SLC4A7: variants seen among roughly 807,000 people sequenced by gnomAD.
The protein encoded by SLC4A7 is solute carrier family 4 member 7, also known as sodium bicarbonate cotransporter 3.
SLC4A7 carries 51 observed loss-of-function variants against 137.6 expected under a neutral mutation model. The observed-to-expected ratio is 0.37, with a 90% CI of 0.30 to 0.47. The LOEUF (loss-of-function observed/expected upper bound fraction) is 0.47. Among genes scored for constraint, SLC4A7 ranks in the 20% least tolerant of loss-of-function variants. SLC4A7 has a pLI of 1.00. For synonymous variants in SLC4A7, 542 were observed against 518.6 expected, an observed-to-expected ratio of 1.05 and a Z score of -0.61; for missense variants, 1,247 against 1,525.4, an observed-to-expected ratio of 0.82 and a Z score of 3.04.
Position 27,421,095 on chromosome 3 carries a change from G to A in SLC4A7, c.1425-308C>T, listed in dbSNP as rs191961569. 7.3e-5 allele frequency among the ~76,000 whole-genome samples: 11 copies of A among 151,710 alleles called. No individual in the cohort carries two copies. The East Asian group carries it at 2.0e-3, about 27-fold the overall frequency. On this transcript the variant is annotated intron_variant, in intron 9 of 25. Transcript: ENST00000454389. The stretch of plus-strand genomic sequence containing the variant: ...CAGCAGTGAGCCACTGTGCCCAGCC[G>A]ATATTTATTTTATTGTACTTTTTAG...
At position 27,398,186 on chromosome 3, in the gene SLC4A7, A is replaced by C. The variant is rs1358969592; in HGVS notation, c.2589+6T>G. The C allele has an allele frequency of 2.5e-6, 4 of 1,597,046 alleles. No homozygotes were observed. The highest frequency in any genetic ancestry group is 3.4e-6 in the Non-Finnish European group (4 of 1,170,714). ...TACCAGAATTCCAAAATTATATCAC[A>C]GTTACCTTGGTAGGAAAGTAACGCT... On this transcript the variant is annotated splice_donor_region_variant and intron_variant, in intron 17 of 25. Transcript: ENST00000454389.
chr3:27,404,750 G>A (rs1053215560), intron 14 of SLC4A7, 80 bp downstream of exon 14: 2 of 1,204,324 alleles, frequency 1.7e-6, no homozygotes, highest in Non-Finnish European at 2.3e-6. Context: ...TTACTTTTAA[G>A]CAATTAAATA....
intron 1 of SLC4A7, among the ~76,000 whole-genome samples, chr3:27,478,959 C>T (rs1271489144): frequency 2.0e-5 from 3 of 151,078 alleles, no homozygotes; most frequent in African/African-American, 4.9e-5. Flanking sequence ...GAGTCGAGAT[C>T]GCACCACTGC....
intron 20 of SLC4A7, among the ~76,000 whole-genome samples, chr3:27,392,959 T>C (rs1196539840): frequency 1.3e-5 from 2 of 152,026 alleles, no homozygotes; most frequent in African/African-American, 4.8e-5. Flanking sequence ...ACCAATATAA[T>C]GATATGAAAA....
At chr3:27,467,235 A>ACAG (rs1297967018) in intron 1 of SLC4A7, among the ~76,000 whole-genome samples, 1 of 152,192 alleles carries the variant, frequency 6.6e-6, no homozygotes, top group South Asian at 2.1e-4. Context: ...TTATGGTAAC[A>ACAG]CAGCTGATCA....
At chr3:27,424,713 T>G (rs985109837) in intron 7 of SLC4A7, among the ~76,000 whole-genome samples, 2 of 152,234 alleles carry the variant, frequency 1.3e-5, no homozygotes, top group Non-Finnish European at 2.9e-5. Context: ...TTGTCATTAC[T>G]CCTAAGAAAT....
intron 1 of SLC4A7, among the ~76,000 whole-genome samples, chr3:27,452,891 A>G (rs978149821): frequency 7.2e-5 from 11 of 152,342 alleles, no homozygotes; most frequent in Middle Eastern, 3.4e-3. Flanking sequence ...AGTCTCCTAA[A>G]TAACAGGAAA....
intron 11 of SLC4A7, among the ~76,000 whole-genome samples, chr3:27,416,018 A>G (rs570368013): frequency 6.6e-6 from 1 of 152,280 alleles, no homozygotes; most frequent in Non-Finnish European, 1.5e-5. Flanking sequence ...TTCATCTTAC[A>G]TTTGTATGAC....
At chr3:27,408,717 C>T (rs1355098469) in intron 13 of SLC4A7, among the ~76,000 whole-genome samples, 1 of 152,172 alleles carries the variant, frequency 6.6e-6, no homozygotes, top group Non-Finnish European at 1.5e-5. Flanking sequence ...AGCACCATAG[C>T]TCTGAATACA....
chr3:27,463,207 G>C (rs2150641341), intron 1 of SLC4A7, among the ~76,000 whole-genome samples: 1 of 152,268 alleles, frequency 6.6e-6, no homozygotes, highest in East Asian at 1.9e-4. Flanking sequence ...GAGGGCGGAT[G>C]ACGAGGTCAG....
At chr3:27,454,310 G>A (rs2058273488) in intron 1 of SLC4A7, among the ~76,000 whole-genome samples, 1 of 151,728 alleles carries the variant, frequency 6.6e-6, no homozygotes, top group Admixed American at 6.6e-5. Context: ...TACTAAAAAC[G>A]AAAAAATTAG....
At chr3:27,387,999 T>G (rs1356222860) in intron 22 of SLC4A7, among the ~76,000 whole-genome samples, 12 of 152,198 alleles carry the variant, frequency 7.9e-5, no homozygotes, top group African/African-American at 2.9e-4. Flanking sequence ...AATTTATTCT[T>G]AAGTACTTTA....
intron 10 of SLC4A7, 130 bp downstream of exon 10, chr3:27,420,570 T>A (rs984812130): frequency 8.5e-6 from 4 of 468,446 alleles, no homozygotes; most frequent in African/African-American, 2.0e-5. Flanking sequence ...AAATATGAGA[T>A]AAAACAGTAT....
chr3:27,388,365 T>C (rs1015034721), intron 22 of SLC4A7, among the ~76,000 whole-genome samples: 6 of 152,204 alleles, frequency 3.9e-5, no homozygotes, highest in African/African-American at 1.4e-4. Flanking sequence ...GTCAGTGTTT[T>C]TTGAGAAAAA....
At chr3:27,426,285 T>C (rs2055611822) in intron 7 of SLC4A7, among the ~76,000 whole-genome samples, 1 of 152,200 alleles carries the variant, frequency 6.6e-6, no homozygotes, top group Non-Finnish European at 1.5e-5. Context: ...CCTCAACTCA[T>C]TTCTTACAAC....
chr3:27,474,851 G>T (rs1315642215), intron 1 of SLC4A7, among the ~76,000 whole-genome samples: 4 of 152,104 alleles, frequency 2.6e-5, no homozygotes, highest in Non-Finnish European at 5.9e-5. Context: ...GCCAGGCGCG[G>T]TGGCTCACAC....
chr3:27,395,095 C>T lies in SLC4A7; in HGVS notation c.2724G>A (p.Gly908=). Residue 908 remains glycine, a synonymous_variant, in exon 19 of 26, where the codon GGG becomes GGA. Coordinates refer to ENST00000454389, the MANE Select transcript of SLC4A7 (RefSeq NM_001321103.2). The part of the protein sequence containing the change: ...EKFEPTHPER[G]WIISPLGDNP... ...TATCTCCCAGTGGGCTTATGATCCACCCTCTCTCTGGATGAGTAGGCTGTT... is the reference window on the plus strand; with the variant it reads ...TATCTCCCAGTGGGCTTATGATCCATCCTCTCTCTGGATGAGTAGGCTGTT... 3 of 1,592,054 alleles carry T rather than the reference C, an allele frequency of 1.9e-6. No homozygotes were observed. The highest frequency in any genetic ancestry group is 1.4e-5 in the African/African-American group (1 of 73,692).
In SLC4A7 at chr3:27,434,093, C is replaced by A; in HGVS notation, c.601G>T (p.Asp201Tyr). ...AATTGGCCAGAAGCTATCATGTTGT[C>A]TAATACCATATCTATTCAATGAAAA... is the stretch of plus-strand genomic sequence containing the variant. ...TLDEIADMVL[D>Y]NMIASGQLDE... The change falls in exon 6 of 26, where the codon GAC (aspartate) becomes TAC (tyrosine). Residue 201 changes from aspartate to tyrosine, a missense_variant. Transcript: ENST00000454389. The A allele has an allele frequency of 1.2e-6, 2 of 1,606,134 alleles. No homozygotes were observed. The highest frequency in any genetic ancestry group is 8.5e-7 in the Non-Finnish European group (1 of 1,176,372).
chr3:27,385,182 T>G (rs912346512), intron 23 of SLC4A7, among the ~76,000 whole-genome samples: 1 of 152,180 alleles, frequency 6.6e-6, no homozygotes, highest in Non-Finnish European at 1.5e-5. Flanking sequence ...CAAACAATAC[T>G]CTGAATGGGA....
Sources: gnomAD v4.1 joint callset for allele counts (sites outside exome capture counted in the v4.1 genomes callset) on GRCh38, gnomAD v4.1.1 for gene constraint, MANE v1.5 for transcripts, NCBI Gene and HGNC (gene_info 2026-07-23, HGNC 2026-07-21) for gene names.